The following C10orf143 variants were observed in gnomAD, a reference collection of about 807,000 sequenced individuals.
The protein encoded by C10orf143 is uncharacterized protein C10orf143.
intron 3 of C10orf143, among the ~76,000 whole-genome samples, chr10:130,048,592 C>G (rs1860703144): frequency 6.6e-6 from 1 of 152,160 alleles, no homozygotes; most frequent in African/African-American, 2.4e-5. Context: ...ACCTCGGTCA[C>G]TTTTAGGCTC....
intron 1 of C10orf143, among the ~76,000 whole-genome samples, chr10:130,088,872 C>T (rs1422368126): frequency 6.6e-6 from 1 of 152,164 alleles, no homozygotes; most frequent in African/African-American, 2.4e-5. Context: ...ACATTTGGTA[C>T]TGCATCAACT....
chr10:130,057,488 T>C (rs1370403443), intron 3 of C10orf143, among the ~76,000 whole-genome samples: 2 of 152,174 alleles, frequency 1.3e-5, no homozygotes, highest in African/African-American at 4.8e-5. Flanking sequence ...CCTCACCAAA[T>C]ACTCTTGACA....
At chr10:130,076,443 A>G (rs756454437) in intron 3 of C10orf143, among the ~76,000 whole-genome samples, 18 of 152,130 alleles carry the variant, frequency 1.2e-4, no homozygotes, top group Non-Finnish European at 2.1e-4. Context: ...CGGAGCTGAG[A>G]AAAAAACAGG....
chr10:130,074,740 T>C lies in C10orf143; in HGVS notation c.297+4826A>G, dbSNP rs12220408. Among the ~76,000 whole-genome samples the C allele has an allele frequency of 9.2e-4, 140 of 152,274 alleles. 3 individuals are homozygous for C. The East Asian group carries it at 0.023, about 25-fold the overall frequency. ...GTAAACAAAATAAACAGAAATACTTTAAAGGTAACCCATTTGGAGATAAAA... is the reference window on the plus strand; with the variant it reads ...GTAAACAAAATAAACAGAAATACTTCAAAGGTAACCCATTTGGAGATAAAA... On this transcript the variant is annotated intron_variant, in intron 3 of 3. Transcript: ENST00000637128.
intron 3 of C10orf143, among the ~76,000 whole-genome samples, chr10:130,050,728 T>C (rs1860727312): frequency 6.6e-6 from 1 of 152,230 alleles, no homozygotes; most frequent in South Asian, 2.1e-4. Context: ...CTCTCTCAGA[T>C]GCTATTTAAG....
intron 1 of C10orf143, among the ~76,000 whole-genome samples, chr10:130,093,740 C>T (rs900332426): frequency 3.9e-5 from 6 of 151,948 alleles, no homozygotes; most frequent in Non-Finnish European, 7.4e-5. Context: ...GGGCCAGGCG[C>T]GGTGGCTCAC....
chr10:130,087,745 T>C (rs1258571347), intron 1 of C10orf143, among the ~76,000 whole-genome samples: 3 of 152,166 alleles, frequency 2.0e-5, no homozygotes, highest in Non-Finnish European at 4.4e-5. Context: ...GAGCCAGCCC[T>C]TATATGAACC....
chr10:130,060,911 G>A (rs1860850602), downstream of C10orf143, among the ~76,000 whole-genome samples: 1 of 151,870 alleles, frequency 6.6e-6, no homozygotes, highest in Admixed American at 6.6e-5. Context: ...GCCAAGGTGA[G>A]CAGATGGCTT....
chr10:130,073,804 T>A (rs559424730), intron 3 of C10orf143, among the ~76,000 whole-genome samples: 2 of 152,304 alleles, frequency 1.3e-5, no homozygotes, highest in Non-Finnish European at 2.9e-5. Flanking sequence ...AAAATTTTTT[T>A]AAAGGTAGTT....
chr10:130,063,604 T>C (rs1860881206), downstream of C10orf143, among the ~76,000 whole-genome samples: 2 of 152,184 alleles, frequency 1.3e-5, no homozygotes. Flanking sequence ...CCGAATGCCA[T>C]GATGACTTAT....
At chr10:130,076,195 G>A (rs1393936026) in intron 3 of C10orf143, among the ~76,000 whole-genome samples, 3 of 152,092 alleles carry the variant, frequency 2.0e-5, no homozygotes. Context: ...TCACCAGGAG[G>A]ACAAAGGGAG....
At chr10:130,096,558 C>A in intron 1 of C10orf143, among the ~76,000 whole-genome samples, 1 of 114,270 alleles carries the variant, frequency 8.8e-6, no homozygotes, top group Non-Finnish European at 1.9e-5. Flanking sequence ...CCATCAATGA[C>A]AGACTGGATA....
intron 3 of C10orf143, among the ~76,000 whole-genome samples, chr10:130,037,806 T>TG (rs1366278616): frequency 6.6e-6 from 1 of 152,188 alleles, no homozygotes; most frequent in Non-Finnish European, 1.5e-5. Flanking sequence ...AGTGTCCTTC[T>TG]GGGGGGTCCG....
At chr10:130,043,850 T>TCCGCCTCTTG (rs1277209274) in intron 3 of C10orf143, among the ~76,000 whole-genome samples, 2 of 152,220 alleles carry the variant, frequency 1.3e-5, no homozygotes. Context: ...AATGTGGAGC[T>TCCGCCTCTTG]CCGCCTCTTG....
chr10:130,106,104 G>A (rs1278000404), intron 1 of C10orf143: 1 of 640,850 alleles, frequency 1.6e-6, no homozygotes, highest in Non-Finnish European at 2.9e-6. Context: ...GGGGAGCCAC[G>A]CAGGGTTGTG....
intron 3 of C10orf143, among the ~76,000 whole-genome samples, chr10:130,051,259 G>A (rs887563806): frequency 1.3e-5 from 2 of 150,762 alleles, no homozygotes; most frequent in Non-Finnish European, 3.0e-5. Flanking sequence ...CTCATTAAGA[G>A]TCTCATCTCC....
At chr10:130,099,446 G>C (rs1242361326) in intron 1 of C10orf143, among the ~76,000 whole-genome samples, 2 of 152,168 alleles carry the variant, frequency 1.3e-5, no homozygotes, top group Non-Finnish European at 2.9e-5. Flanking sequence ...CAGCAGATGA[G>C]CTATAAAATC....
chr10:130,110,583 G>C (rs562643277), intron 1 of C10orf143, 121 bp downstream of exon 1: 11 of 397,506 alleles, frequency 2.8e-5, no homozygotes, highest in African/African-American at 2.3e-4. Context: ...GCGAGCGTGC[G>C]AGTGTCTTGG....
At chr10:130,043,309 G>A (rs942682051) in intron 3 of C10orf143, among the ~76,000 whole-genome samples, 6 of 152,160 alleles carry the variant, frequency 3.9e-5, no homozygotes, top group African/African-American at 7.2e-5. Context: ...AAGAGAACGC[G>A]TTAACATATT....
Sources: gnomAD v4.1 joint callset for allele counts (sites outside exome capture counted in the v4.1 genomes callset) on GRCh38, gnomAD v4.1.1 for gene constraint, MANE v1.5 for transcripts, NCBI Gene and HGNC (gene_info 2026-07-23, HGNC 2026-07-21) for gene names.